MON2: variants seen among roughly 807,000 people sequenced by gnomAD.
MON2 encodes protein MON2 homolog.
In MON2, 84 loss-of-function variants were observed where a neutral mutation model predicts 208.6. That is an observed-to-expected ratio of 0.40 (90% CI 0.34 to 0.48). The LOEUF is 0.48. MON2 is among the 20% of genes least tolerant of loss of function. MON2 has a pLI of 0.59. For missense variants in MON2, 1,611 were observed against 2,015.4 expected (o/e 0.80, Z 3.84); for synonymous variants, 660 against 694.0 (o/e 0.95, Z 0.77).
In MON2 at chr12:62,561,058, C is replaced by T. The variant is rs1215530712; in HGVS notation, c.3977C>T (p.Ala1326Val). The T allele has an allele frequency of 1.2e-6, 2 of 1,613,004 alleles. No individual in the cohort carries two copies. The highest frequency in any genetic ancestry group is 1.7e-5 in the Admixed American group (1 of 59,956). ...TTTATTCTTCCATCTTATACCGAAG[C>T]AGTTTTGACAAGTTTACAGGAAGCT... is the stretch of plus-strand genomic sequence containing the variant. ...SPFILPSYTEAVLTSLQEAVL... is the reference protein window; with the variant it reads ...SPFILPSYTEVVLTSLQEAVL... The change falls in exon 26 of 35, where the codon GCA becomes GTA. Residue 1326 changes from alanine to valine, a missense_variant. Ala to Val is a moderately conservative substitution (Grantham distance 64). Transcript: ENST00000393630.
chr12:62,537,030 A>G (rs1233522812), intron 14 of MON2, 121 bp from the exon 15 acceptor site: 4 of 528,716 alleles, frequency 7.6e-6, no homozygotes, highest in Non-Finnish European at 1.3e-5. Flanking sequence ...GATATTAGGT[A>G]TTACTGATAT....
chr12:62,503,461 T>A (rs961966644), intron 7 of MON2, among the ~76,000 whole-genome samples: 4 of 152,230 alleles, frequency 2.6e-5, no homozygotes, highest in Admixed American at 2.0e-4. Flanking sequence ...CTGGTCTGCT[T>A]GCATATATGT....
intron 1 of MON2, among the ~76,000 whole-genome samples, chr12:62,483,923 G>A (rs1157252738): frequency 6.6e-6 from 1 of 152,192 alleles, no homozygotes; most frequent in Non-Finnish European, 1.5e-5. Context: ...ATGCCTTAAG[G>A]CAGAGGAAGG....
intron 2 of MON2, among the ~76,000 whole-genome samples, chr12:62,486,165 T>G (rs1021800486): frequency 6.6e-6 from 1 of 152,140 alleles, no homozygotes; most frequent in Non-Finnish European, 1.5e-5. Flanking sequence ...TTACTGTTGC[T>G]AATATCATTG....
In MON2 at chr12:62,597,003, C is replaced by G. The variant is rs1592503204; in HGVS notation, c.*4254C>G. 6.6e-6 allele frequency: 1 copy of G among 152,144 alleles called. No individual in the cohort carries two copies. Among genetic ancestry groups the G allele is most frequent in the African/African-American group, 2.4e-5 (1 of 41,440 alleles). The allele number at this position is 152,144 out of a possible 1,614,324, so 9.4% of individuals were successfully genotyped here. A position where few individuals can be genotyped will look rare whatever the true frequency, so the allele number is the denominator to read the frequency against. On this transcript the variant is annotated 3_prime_UTR_variant, in exon 35 of 35. Transcript: ENST00000393630. ...CAGAGATGCTACTTCTTATTTAACT[C>G]TAGGCATGTTGACTTTTCAAAGCGG...
chr12:62,513,807 G>A (rs976474926), intron 8 of MON2, among the ~76,000 whole-genome samples: 7 of 145,436 alleles, frequency 4.8e-5, no homozygotes, highest in Admixed American at 4.2e-4. Context: ...AAAACTAGCC[G>A]AGCGTGGTGG....
chr12:62,485,998 G>A (rs887448712), intron 2 of MON2, among the ~76,000 whole-genome samples: 1 of 152,124 alleles, frequency 6.6e-6, no homozygotes, highest in East Asian at 1.9e-4. Context: ...CACTGCGCCC[G>A]GCCAGCATGT....
intron 34 of MON2, among the ~76,000 whole-genome samples, chr12:62,591,128 T>G (rs2075385103): frequency 6.6e-6 from 1 of 151,962 alleles, no homozygotes; most frequent in Non-Finnish European, 1.5e-5. Context: ...AAATGATTAG[T>G]GTAAAGTTTC....
Position 62,484,180 on chromosome 12 carries a change from C to G in MON2, c.122C>G (p.Ser41Ter), listed in dbSNP as rs778961391. 4 of 1,594,790 alleles carry G rather than the reference C, an allele frequency of 2.5e-6. No individual in the cohort carries two copies. Among genetic ancestry groups the G allele is most frequent in the Non-Finnish European group, 3.4e-6 (4 of 1,170,966 alleles). The change falls in exon 2 of 35, where the codon TCA becomes TGA. Residue 41 changes from serine to a stop codon, truncating the protein, a stop_gained. Coordinates refer to ENST00000393630, the MANE Select transcript of MON2 (RefSeq NM_015026.3). LOFTEE classifies it high-confidence loss of function. ...TTTTTATTCTTGCAGGCTGCTGAAT[C>G]AGGAATAATAAAAGTTAAAACAATT... The part of the protein sequence containing the change: ...KFPPVKEAAE[S>*]GIIKVKTIAA...
rs200028244 is a variant in MON2, at chr12:62,536,800, TG to T, written c.1901-350del. 8.9e-4 allele frequency among the ~76,000 whole-genome samples: 135 copies of T among 151,798 alleles called. 1 individual carries two copies. The East Asian group carries it at 0.018, about 20-fold the overall frequency. On this transcript the variant is annotated intron_variant, in intron 14 of 34. Transcript: ENST00000393630. Reference sequence around the variant, plus strand: ...GCCTCCTGAATTCAAGCAATTCTCCTGCCTCAGCCTCCTGAGTAGCTGAGAC... The same window carrying T: ...GCCTCCTGAATTCAAGCAATTCTCCTCCTCAGCCTCCTGAGTAGCTGAGAC...
intron 25 of MON2, chr12:62,560,269 T>C (rs971863732): frequency 2.3e-6 from 1 of 436,570 alleles, no homozygotes; most frequent in African/African-American, 2.1e-5. Context: ...CATCCTCCTC[T>C]TGGTGCCCTT....
At chr12:62,548,455 A>G (rs2073596336) in intron 22 of MON2, among the ~76,000 whole-genome samples, 2 of 152,136 alleles carry the variant, frequency 1.3e-5, no homozygotes, top group African/African-American at 4.8e-5. Context: ...GCAGACAGAC[A>G]TTGGATAGAT....
At chr12:62,555,379 T>C (rs2073920814) in intron 24 of MON2, among the ~76,000 whole-genome samples, 1 of 151,964 alleles carries the variant, frequency 6.6e-6, no homozygotes, top group Admixed American at 6.6e-5. Context: ...GGACTGGGTT[T>C]CGCCATGTTG....
chr12:62,588,846 C>T, intron 34 of MON2: 1 of 1,447,230 alleles, frequency 6.9e-7, no homozygotes, highest in Non-Finnish European at 9.3e-7. Flanking sequence ...TTGTTTATTT[C>T]ATTATCCAGC....
intron 26 of MON2, 119 bp downstream of exon 26, chr12:62,561,232 T>C (rs1251541012): frequency 1.3e-6 from 1 of 770,348 alleles, no homozygotes; most frequent in Admixed American, 3.4e-5. Flanking sequence ...ATGTATACTT[T>C]GGGATAAACT....
intron 20 of MON2, among the ~76,000 whole-genome samples, chr12:62,543,408 A>G (rs763398399): frequency 5.3e-4 from 80 of 152,244 alleles, no homozygotes; most frequent in Non-Finnish European, 5.9e-4. Context: ...TTGGCTGAAA[A>G]TGGGTGACAT....
chr12:62,537,358 T>G (rs2073025646), intron 15 of MON2, 95 bp downstream of exon 15: 4 of 830,750 alleles, frequency 4.8e-6, no homozygotes, highest in Non-Finnish European at 7.5e-6. Flanking sequence ...ATACATTTAT[T>G]TACTTTCTTT....
intron 4 of MON2, among the ~76,000 whole-genome samples, chr12:62,496,112 G>A (rs1398827431): frequency 5.9e-5 from 9 of 152,026 alleles, no homozygotes; most frequent in African/African-American, 2.2e-4. Context: ...ATTAAGCTGT[G>A]TATACTATAT....
In MON2 at chr12:62,525,989, C is replaced by T; in HGVS notation, c.1287C>T (p.Asn429=). 1 of 1,613,876 alleles carries T rather than the reference C, an allele frequency of 6.2e-7. No individual in the cohort carries two copies. Among genetic ancestry groups the T allele is most frequent in the South Asian group, 1.1e-5 (1 of 91,068 alleles). The change falls in exon 11 of 35, where the codon AAC becomes AAT. Residue 429 remains asparagine, a synonymous_variant. Transcript: ENST00000393630. The part of the protein sequence containing the change: ...NLGGSVSAPA[N]SGMVGIGGGV... ...GTGGCTCAGTCTCAGCACCAGCTAACTCAGGAATGGTGGGGATTGGTGGAG... is the reference window on the plus strand; with the variant it reads ...GTGGCTCAGTCTCAGCACCAGCTAATTCAGGAATGGTGGGGATTGGTGGAG...
Sources: gnomAD v4.1 joint callset for allele counts (sites outside exome capture counted in the v4.1 genomes callset) on GRCh38, gnomAD v4.1.1 for gene constraint, MANE v1.5 for transcripts, NCBI Gene and HGNC (gene_info 2026-07-23, HGNC 2026-07-21) for gene names.